Variants in EXD2 observed in about 807,000 individuals in gnomAD.
EXD2 encodes exonuclease 3'-5' domain containing 2.
EXD2 carries 40 observed loss-of-function variants against 62.5 expected under a neutral mutation model. That is an observed-to-expected ratio of 0.64 (90% CI 0.50 to 0.83). The LOEUF (loss-of-function observed/expected upper bound fraction) is 0.83. EXD2 is among the 40% of genes least tolerant of loss of function. The probability of loss-of-function intolerance (pLI) is 0.00; values close to 1 mark genes in which losing one functional copy is unlikely to be tolerated. For synonymous variants in EXD2, 239 were observed against 291.9 expected (o/e 0.82, Z 1.85); for missense variants, 671 against 761.8 (o/e 0.88, Z 1.40).
Position 69,209,410 on chromosome 14 carries a change from C to A in EXD2, c.-47-14C>A. On this transcript the variant is annotated splice_polypyrimidine_tract_variant and intron_variant, in intron 2 of 9. Transcript: ENST00000685843. ...ATTCTGTATATAAATATATTTTTGC[C>A]ATTTGTTTTGCAGATTGTGGGATTA... The A allele has an allele frequency of 7.4e-7, 1 of 1,347,422 alleles. No individual in the cohort carries two copies. Among genetic ancestry groups the A allele is most frequent in the Non-Finnish European group, 9.9e-7 (1 of 1,012,178 alleles). The allele number at this position is 1,347,422 out of a possible 1,614,324, so 83.5% of individuals were successfully genotyped here.
intron 4 of EXD2, among the ~76,000 whole-genome samples, chr14:69,229,630 G>C (rs996002493): frequency 7.9e-5 from 12 of 152,162 alleles, no homozygotes; most frequent in Non-Finnish European, 1.8e-4. Flanking sequence ...CAAAAATGAT[G>C]GTAGACCAGC....
chr14:69,199,373 A>T (rs555065578), intron 1 of EXD2, among the ~76,000 whole-genome samples: 1 of 152,358 alleles, frequency 6.6e-6, no homozygotes, highest in African/African-American at 2.4e-5. Context: ...ACGTGACTGT[A>T]CACTACTTTA....
chr14:69,195,216 CAA>C (rs78718494), intron 1 of EXD2, among the ~76,000 whole-genome samples: 9 of 66,286 alleles, frequency 1.4e-4, no homozygotes, highest in African/African-American at 1.3e-4. Context: ...GACTCTGTCT[CAA>C]AAAAAAAAAA....
intron 9 of EXD2, among the ~76,000 whole-genome samples, chr14:69,238,900 T>C (rs897408232): frequency 6.6e-6 from 1 of 152,190 alleles, no homozygotes; most frequent in African/African-American, 2.4e-5. Context: ...AGAACTGGGA[T>C]TACAGGCATG....
intron 3 of EXD2, among the ~76,000 whole-genome samples, chr14:69,228,274 C>T (rs968740938): frequency 6.8e-5 from 10 of 147,068 alleles, no homozygotes; most frequent in African/African-American, 2.3e-4. Context: ...TCACTGCAAC[C>T]TCTGCCTCCC....
chr14:69,215,421 A>G (rs143552664), intron 3 of EXD2, among the ~76,000 whole-genome samples: 6 of 152,138 alleles, frequency 3.9e-5, no homozygotes, highest in African/African-American at 1.4e-4. Context: ...GTATGTGTCT[A>G]TGAGTGGAGT....
In EXD2 at chr14:69,209,406, T is replaced by C; in HGVS notation, c.-47-18T>C. On this transcript the variant is annotated intron_variant, in intron 2 of 9. Transcript: ENST00000685843. The stretch of plus-strand genomic sequence containing the variant: ...TTATATTCTGTATATAAATATATTT[T>C]TGCCATTTGTTTTGCAGATTGTGGG... 1 of 1,299,938 alleles carries C rather than the reference T, an allele frequency of 7.7e-7. No homozygotes were observed. Among genetic ancestry groups the C allele is most frequent in the Non-Finnish European group, 1.0e-6 (1 of 966,912 alleles). 80.5% of individuals were successfully genotyped at this position (1,299,938 alleles called of 1,614,324 possible). A position where few individuals can be genotyped will look rare whatever the true frequency, so the allele number is the denominator to read the frequency against.
chr14:69,228,567 C>T (rs186803642), intron 3 of EXD2, among the ~76,000 whole-genome samples: 7 of 151,988 alleles, frequency 4.6e-5, no homozygotes, highest in East Asian at 1.9e-4. Flanking sequence ...GTCGGCTGGT[C>T]GCTGTTTATG....
chr14:69,212,454 G>A (rs2042840032), intron 3 of EXD2, among the ~76,000 whole-genome samples: 1 of 151,576 alleles, frequency 6.6e-6, no homozygotes, highest in Admixed American at 6.6e-5. Context: ...TTCCTGTTTT[G>A]CTTTCCTTTT....
intron 5 of EXD2, among the ~76,000 whole-genome samples, chr14:69,233,493 C>T (rs1270229102): frequency 6.6e-6 from 1 of 151,936 alleles, no homozygotes; most frequent in African/African-American, 2.4e-5. Flanking sequence ...GTGGTGCGAT[C>T]TCAGCTCACT....
intron 1 of EXD2, among the ~76,000 whole-genome samples, chr14:69,201,289 A>G (rs1448701248): frequency 6.6e-6 from 1 of 151,764 alleles, no homozygotes; most frequent in Admixed American, 6.6e-5. Flanking sequence ...CCTGGGTTCA[A>G]GTGATTCTCA....
intron 6 of EXD2, 40 bp downstream of exon 6, chr14:69,235,071 C>T: frequency 6.6e-7 from 1 of 1,504,756 alleles, no homozygotes. Flanking sequence ...AGTCAGTGGC[C>T]CAGCCTTAGC....
chr14:69,201,183 T>G (rs2042386123), intron 1 of EXD2, among the ~76,000 whole-genome samples: 1 of 151,758 alleles, frequency 6.6e-6, no homozygotes, highest in Non-Finnish European at 1.5e-5. Flanking sequence ...CTTACGTTGG[T>G]TTTTTTTGTT....
chr14:69,194,434 G>T (rs375651503), intron 1 of EXD2, among the ~76,000 whole-genome samples: 1 of 152,058 alleles, frequency 6.6e-6, no homozygotes, highest in Non-Finnish European at 1.5e-5. Flanking sequence ...CACCGCGCCC[G>T]GCCTAGTCAG....
chr14:69,212,286 A>G (rs1321724236), intron 3 of EXD2, among the ~76,000 whole-genome samples: 2 of 151,436 alleles, frequency 1.3e-5, no homozygotes, highest in East Asian at 3.9e-4. Flanking sequence ...CTGAGGCAGG[A>G]GAATTGCTTG....
Position 69,228,934 on chromosome 14 carries a change from C to A in EXD2, c.452C>A (p.Thr151Lys). The A allele has an allele frequency of 6.2e-7, 1 of 1,614,132 alleles. No individual in the cohort carries two copies. Among genetic ancestry groups the A allele is most frequent in the African/African-American group, 1.3e-5 (1 of 75,012 alleles). The change falls in exon 4 of 10, where the codon ACG (threonine) becomes AAG (lysine). Residue 151 changes from threonine (T) to lysine (K), a missense_variant. Coordinates refer to ENST00000685843, the MANE Select transcript of EXD2 (RefSeq NM_001193360.2). ...TGTGGAGGAAAAACACTACCAAGAA[C>A]GTTATTGGATATTTTGGCAGATGGC... ...LICGGKTLPR[T>K]LLDILADGTI...
chr14:69,224,005 G>C (rs2043275498), intron 3 of EXD2: 1 of 152,366 alleles, frequency 6.6e-6, no homozygotes, highest in Non-Finnish European at 1.5e-5. Flanking sequence ...TTACATGGCA[G>C]GAGCAGCACC....
chr14:69,199,527 A>C (rs2140193190), intron 1 of EXD2, among the ~76,000 whole-genome samples: 1 of 152,328 alleles, frequency 6.6e-6, no homozygotes, highest in South Asian at 2.1e-4. Context: ...AATAACACTC[A>C]GCTTAAGACA....
rs561361625 is a variant in EXD2 at position 69,228,731 on chromosome 14, C to T, written c.334-85C>T. 34 of 1,510,274 alleles carry T rather than the reference C, an allele frequency of 2.3e-5. No homozygotes were observed. In the South Asian group the frequency reaches 4.0e-4, roughly 18 times the overall value. 93.6% of individuals were successfully genotyped at this position (1,510,274 alleles called of 1,614,324 possible). A position where few individuals can be genotyped will look rare whatever the true frequency, so the allele number is the denominator to read the frequency against. On this transcript the variant is annotated intron_variant, in intron 3 of 9. Coordinates refer to ENST00000685843, the MANE Select transcript of EXD2 (RefSeq NM_001193360.2). ...TACCTTTGGGAAGTTAAGGATGTAC[C>T]TCTTAGACTTTTTTGTCACAGTTAT... is the stretch of plus-strand genomic sequence containing the variant.
Sources: allele counts gnomAD v4.1 joint callset (sites outside exome capture counted in the v4.1 genomes callset), GRCh38; gene constraint gnomAD v4.1.1; transcripts MANE v1.5; gene names NCBI Gene and HGNC (gene_info 2026-07-23, HGNC 2026-07-21).